Variants in AGAP1 observed in about 807,000 individuals in gnomAD.
AGAP1 encodes the protein ArfGAP with GTPase domain, ankyrin repeat and PH domain 1.
Under a neutral mutation model 105.3 loss-of-function variants are expected in AGAP1, and 29 were observed. That is an observed-to-expected ratio of 0.28 (90% CI 0.21 to 0.38). AGAP1 has a LOEUF of 0.38. Ranked by LOEUF, AGAP1 falls within the 10% of genes least tolerant of loss-of-function variation. The probability of loss-of-function intolerance (pLI) is 1.00; values close to 1 mark genes in which losing one functional copy is unlikely to be tolerated. For synonymous variants in AGAP1, 509 were observed against 485.9 expected, an observed-to-expected ratio of 1.05 and a Z score of -0.63; for missense variants, 998 against 1,165.1, an observed-to-expected ratio of 0.86 and a Z score of 2.09.
chr2:235,772,765 G>A (rs3108500), intron 6 of AGAP1, among the ~76,000 whole-genome samples: 112,027 of 152,114 alleles, frequency 0.74, 42,281 homozygotes, highest in East Asian at 0.98. Flanking sequence ...GCCTTCACAT[G>A]GAACCAGCCG....
intron 13 of AGAP1, among the ~76,000 whole-genome samples, chr2:236,015,923 C>T (rs1408454467): frequency 2.0e-5 from 3 of 152,148 alleles, no homozygotes; most frequent in East Asian, 1.9e-4. Flanking sequence ...GTAAACAAGT[C>T]CCTCTCTTCA....
chr2:236,010,130 C>CAAAA (rs1259318730), intron 13 of AGAP1, among the ~76,000 whole-genome samples: 27 of 141,996 alleles, frequency 1.9e-4, no homozygotes, highest in African/African-American at 7.1e-4. Context: ...AAAAAAAAAA[C>CAAAA]AAAAAACTTT....
rs1947901698 is a variant in AGAP1 at position 235,660,198 on chromosome 2, TA to T, written c.164-48980del. 6.6e-6 allele frequency among the ~76,000 whole-genome samples: 1 copy of T among 152,158 alleles called. No homozygotes were observed. The highest frequency in any genetic ancestry group is 1.5e-5 in the Non-Finnish European group (1 of 68,036). ...AGCTGCGGCTGAGGATTTTTGTGGC[TA>T]GGGGAAGAAGTGAATCACCCTCTTC... On this transcript the variant is annotated intron_variant, in intron 1 of 17. Transcript: ENST00000304032. This position sits in a 1 kb window ranked among gnomAD's most constrained non-coding sequence, Gnocchi z 5.3.
rs2057530283 is a variant in AGAP1, at chr2:236,040,904, A to G, written c.1891+63A>G. 4 of 1,557,924 alleles carry G rather than the reference A, an allele frequency of 2.6e-6. No individual in the cohort carries two copies. ...TAGCTGGAGACCACATGGTCCCACTAGGCCCGGGTTGCAGGGGACTCACAT... is the reference window on the plus strand; with the variant it reads ...TAGCTGGAGACCACATGGTCCCACTGGGCCCGGGTTGCAGGGGACTCACAT... On this transcript the variant is annotated intron_variant, in intron 15 of 17. Transcript: ENST00000304032. The surrounding 1 kb of genome is among the most constrained non-coding windows in gnomAD (Gnocchi z 5.6).
At chr2:235,567,681 G>A (rs1944390088) in intron 1 of AGAP1, among the ~76,000 whole-genome samples, 1 of 150,956 alleles carries the variant, frequency 6.6e-6, no homozygotes, top group Non-Finnish European at 1.5e-5. Flanking sequence ...GGAGTGGTGG[G>A]GAGAAGGGGC....
At chr2:235,794,169 T>C (rs1344350197) in intron 6 of AGAP1, among the ~76,000 whole-genome samples, 2 of 152,078 alleles carry the variant, frequency 1.3e-5, no homozygotes, top group African/African-American at 2.4e-5. Flanking sequence ...TTATACAATG[T>C]ACACACACAC....
intron 6 of AGAP1, among the ~76,000 whole-genome samples, chr2:235,771,839 A>G (rs561215783): frequency 1.2e-3 from 177 of 152,232 alleles, no homozygotes; most frequent in Middle Eastern, 0.01. Context: ...TTAACCTTAC[A>G]ATATTTCATA....
At position 235,971,740 on chromosome 2, in the gene AGAP1, AT is replaced by A. The variant is rs1235452352; in HGVS notation, c.1645+3121del. ...AACTAAAGCTAGTTATATATGTTTT[AT>A]TTTATTTATTTATTTATTTATTTAT... On this transcript the variant is annotated intron_variant, in intron 13 of 17. Transcript: ENST00000304032. The surrounding 1 kb of genome is among the most constrained non-coding windows in gnomAD (Gnocchi z 4.8). Among the ~76,000 whole-genome samples, 1 of 136,348 alleles carries A rather than the reference AT, an allele frequency of 7.3e-6. No homozygotes were observed. The highest frequency in any genetic ancestry group is 7.0e-5 in the Admixed American group (1 of 14,196). 89.4% of individuals were successfully genotyped at this position (136,348 alleles called of 152,430 possible).
chr2:235,793,749 G>T lies in AGAP1; in HGVS notation c.674-4010G>T, dbSNP rs1957111019. On this transcript the variant is annotated intron_variant, in intron 6 of 17. Coordinates refer to ENST00000304032, the MANE Select transcript of AGAP1 (RefSeq NM_001037131.3). The surrounding 1 kb of genome is among the most constrained non-coding windows in gnomAD (Gnocchi z 5.3). ...CTAGTGTGACCAAGGGCTATTCCTT[G>T]CCTCATTTTGTGTGATTTAGAAACA... Among the ~76,000 whole-genome samples the T allele has an allele frequency of 6.6e-6, 1 of 152,102 alleles. No individual in the cohort carries two copies.
intron 6 of AGAP1, among the ~76,000 whole-genome samples, chr2:235,756,093 C>A (rs532609228): frequency 6.6e-6 from 1 of 152,288 alleles, no homozygotes; most frequent in East Asian, 1.9e-4. Context: ...CCTGTATATT[C>A]TTGGAGATGG....
At chr2:236,031,146 A>T (rs1203843202) in intron 13 of AGAP1, among the ~76,000 whole-genome samples, 1 of 152,152 alleles carries the variant, frequency 6.6e-6, no homozygotes, top group Non-Finnish European at 1.5e-5. Flanking sequence ...TGAATTGGAG[A>T]TATATGTATG....
At position 235,669,499 on chromosome 2, in the gene AGAP1, T is replaced by TCGCCGCCGC. The variant is rs540775923; in HGVS notation, c.164-39667_164-39659dup. 4.5e-4 allele frequency: 67 copies of TCGCCGCCGC among 150,260 alleles called. No homozygotes were observed. The Middle Eastern group carries it at 0.013, about 30-fold the overall frequency. The allele number at this position is 150,260 out of a possible 1,614,324, so 9.3% of individuals were successfully genotyped here. On this transcript the variant is annotated intron_variant, in intron 1 of 17. Transcript: ENST00000304032. ...CGCTTGGGCCTGCACGCCGCCGCGCTCGCCGCCGCCGCCGCCGCCGCGCTC... is the reference window on the plus strand; with the variant it reads ...CGCTTGGGCCTGCACGCCGCCGCGCTCGCCGCCGCCGCCGCCGCCGCCGCCGCCGCGCTC...
intron 1 of AGAP1, among the ~76,000 whole-genome samples, chr2:235,676,261 G>C (rs1030217406): frequency 3.9e-5 from 6 of 152,204 alleles, no homozygotes; most frequent in African/African-American, 1.4e-4. Context: ...CTAGTCCACT[G>C]TGTAACAATA....
Position 235,887,247 on chromosome 2 carries a change from GT to G in AGAP1, c.1155+3799del, listed in dbSNP as rs1436875121. On this transcript the variant is annotated intron_variant, in intron 10 of 17. Transcript: ENST00000304032. This position sits in a 1 kb window ranked among gnomAD's most constrained non-coding sequence, Gnocchi z 4.1. Reference sequence around the variant, plus strand: ...TTGGCCACATGCAGTGGTGGCATAAGTGGTCAAGTGTTGGGAAAGCTGCCAG... The same window carrying G: ...TTGGCCACATGCAGTGGTGGCATAAGGGTCAAGTGTTGGGAAAGCTGCCAG... 6.6e-6 allele frequency among the ~76,000 whole-genome samples: 1 copy of G among 152,184 alleles called. No individual in the cohort carries two copies. The highest frequency in any genetic ancestry group is 1.5e-5 in the Non-Finnish European group (1 of 68,036).
In AGAP1 at chr2:236,044,196, C is replaced by T. The variant is rs1001650021; in HGVS notation, c.1891+3355C>T. 8.5e-5 allele frequency among the ~76,000 whole-genome samples: 13 copies of T among 152,308 alleles called. No individual in the cohort carries two copies. The highest frequency in any genetic ancestry group is 2.9e-4 in the African/African-American group (12 of 41,568). On this transcript the variant is annotated intron_variant, in intron 15 of 17. Coordinates refer to ENST00000304032, the MANE Select transcript of AGAP1 (RefSeq NM_001037131.3). The surrounding 1 kb of genome is among the most constrained non-coding windows in gnomAD (Gnocchi z 5.7). The stretch of plus-strand genomic sequence containing the variant: ...CGGACACCTGTGCTTCCGGGGAGTA[C>T]TGCTCTGAAGCTACCTGTTCAGCAT...
chr2:235,641,792 C>A (rs908840667), intron 1 of AGAP1, among the ~76,000 whole-genome samples: 1 of 152,218 alleles, frequency 6.6e-6, no homozygotes, highest in Non-Finnish European at 1.5e-5. Context: ...AACACATTAC[C>A]TGATTCAGTA....
chr2:235,677,197 TTTG>T (rs1388172943), intron 1 of AGAP1, among the ~76,000 whole-genome samples: 1 of 152,242 alleles, frequency 6.6e-6, no homozygotes, highest in Admixed American at 6.5e-5. Flanking sequence ...CTATTGGCCC[TTTG>T]TTTTCTTACC....
At position 236,080,871 on chromosome 2, in the gene AGAP1, C is replaced by T. The variant is rs893514471; in HGVS notation, c.2114+31590C>T. On this transcript the variant is annotated intron_variant, in intron 16 of 17. Transcript: ENST00000304032. This position sits in a 1 kb window ranked among gnomAD's most constrained non-coding sequence, Gnocchi z 4.2. ...CTCTGATTCTCCTATTTATATGACC[C>T]TCTTATAAGGACCCTTGTATATTGG... Among the ~76,000 whole-genome samples, 29 of 152,150 alleles carry T rather than the reference C, an allele frequency of 1.9e-4. No homozygotes were observed. Among genetic ancestry groups the T allele is most frequent in the Non-Finnish European group, 7.4e-5 (5 of 68,024 alleles).
rs568276580 is a variant in AGAP1 at position 235,566,141 on chromosome 2, G to T, written c.163+71292G>T. On this transcript the variant is annotated intron_variant, in intron 1 of 17. Transcript: ENST00000304032. This position sits in a 1 kb window ranked among gnomAD's most constrained non-coding sequence, Gnocchi z 5.2. ...GAGTTTCACTCTGTCGCCCAGGCTA[G>T]AGTGCAGTGGCGCAACCTCGGCTCA... Among the ~76,000 whole-genome samples the T allele has an allele frequency of 6.6e-6, 1 of 151,934 alleles. No homozygotes were observed. Among genetic ancestry groups the T allele is most frequent in the Non-Finnish European group, 1.5e-5 (1 of 67,992 alleles).
Sources: gnomAD v4.1 joint callset for allele counts (sites outside exome capture counted in the v4.1 genomes callset) on GRCh38, gnomAD v4.1.1 for gene constraint, Gnocchi (gnomAD v3.1) non-coding constraint, MANE v1.5 for transcripts, NCBI Gene and HGNC (gene_info 2026-07-23, HGNC 2026-07-21) for gene names.